Variants in ARHGAP1 observed in about 807,000 individuals in gnomAD.
ARHGAP1 encodes Rho GTPase activating protein 1, also known as rho GTPase-activating protein 1.
In ARHGAP1, 23 loss-of-function variants were observed where a neutral mutation model predicts 52.2. That is an observed-to-expected ratio of 0.44 (90% CI 0.32 to 0.62). The LOEUF (loss-of-function observed/expected upper bound fraction) is 0.62. Ranked by LOEUF, ARHGAP1 falls within the 20% of genes least tolerant of loss-of-function variation. ARHGAP1 has a pLI of 0.05. For missense variants in ARHGAP1, 480 were observed against 560.9 expected, an observed-to-expected ratio of 0.86 and a Z score of 1.46; for synonymous variants, 210 against 228.4, an observed-to-expected ratio of 0.92 and a Z score of 0.73.
rs764470303 is a variant in ARHGAP1, at chr11:46,695,688, G to A, written c.201C>T (p.Ile67=). The A allele has an allele frequency of 5.2e-6, 8 of 1,551,822 alleles. No individual in the cohort carries two copies. Among genetic ancestry groups the A allele is most frequent in the African/African-American group, 1.4e-5 (1 of 73,054 alleles). Reference sequence around the variant, plus strand: ...CCACCTCCACGATCTGGTGCCGGGCGATGTCATAGTATGGGTCATCCCACT... The same window carrying A: ...CCACCTCCACGATCTGGTGCCGGGCAATGTCATAGTATGGGTCATCCCACT... ...HLKWDDPYYD[I]ARHQIVEVAG... The change falls in exon 3 of 13, where the codon ATC becomes ATT. Residue 67 remains isoleucine (I), a synonymous_variant. Transcript: ENST00000311956.
At chr11:46,694,794 T>C (rs1479833140) in intron 3 of ARHGAP1, among the ~76,000 whole-genome samples, 1 of 152,160 alleles carries the variant, frequency 6.6e-6, no homozygotes, top group Non-Finnish European at 1.5e-5. Flanking sequence ...GGAAACACCT[T>C]TGACGTTCGG....
At chr11:46,688,543 G>A (rs1465669739) in intron 3 of ARHGAP1, among the ~76,000 whole-genome samples, 3 of 151,982 alleles carry the variant, frequency 2.0e-5, no homozygotes, top group Admixed American at 6.6e-5. Flanking sequence ...ATGTAGTGGC[G>A]CAATCACGGC....
intron 4 of ARHGAP1, chr11:46,687,772 A>G (rs2134486555): frequency 5.9e-6 from 1 of 169,852 alleles, no homozygotes; most frequent in East Asian, 1.7e-4. Flanking sequence ...ATAAGACAAC[A>G]CTAATGAGTC....
Position 46,696,211 on chromosome 11 carries a change from C to T in ARHGAP1, c.-49-55G>A, listed in dbSNP as rs1176571957. ...AGTGACCTGCTCTTTTCACCTTCTG[C>T]GACCTCCACCGCGTGCCCTCCTGCC... On this transcript the variant is annotated intron_variant, in intron 1 of 12. Transcript: ENST00000311956. The surrounding 1 kb of genome is among the most constrained non-coding windows in gnomAD (Gnocchi z 4.8). 1.1e-5 allele frequency: 14 copies of T among 1,281,116 alleles called. No homozygotes were observed. Among genetic ancestry groups the T allele is most frequent in the East Asian group, 7.6e-5 (3 of 39,288 alleles). 79.4% of individuals were successfully genotyped at this position (1,281,116 alleles called of 1,614,324 possible). A position where few individuals can be genotyped will look rare whatever the true frequency, so the allele number is the denominator to read the frequency against.
chr11:46,700,440 CT>C (rs963588807), intron 1 of ARHGAP1, 110 bp downstream of exon 1: 2 of 156,438 alleles, frequency 1.3e-5, no homozygotes, highest in African/African-American at 4.8e-5. Flanking sequence ...CGTTCCCCTC[CT>C]CGGATCTGCT....
chr11:46,685,020 G>A (rs543080030), intron 4 of ARHGAP1, among the ~76,000 whole-genome samples: 163 of 150,974 alleles, frequency 1.1e-3, no homozygotes, highest in Middle Eastern at 0.01. Flanking sequence ...CTCAGGAGGT[G>A]GAGGTTGCAG....
intron 4 of ARHGAP1, chr11:46,687,307 C>T (rs1302926528): frequency 6.6e-6 from 1 of 152,298 alleles, no homozygotes; most frequent in Non-Finnish European, 1.5e-5. Context: ...CAGCCTGTGG[C>T]CCTGGCTTGC....
intron 4 of ARHGAP1, 81 bp downstream of exon 4, chr11:46,688,092 G>A: frequency 7.1e-7 from 1 of 1,400,604 alleles, no homozygotes; most frequent in Non-Finnish European, 9.9e-7. Flanking sequence ...CCACAGGCAG[G>A]GAGGGACAGT....
chr11:46,678,918 A>G lies in ARHGAP1; in HGVS notation c.*119T>C. The G allele has an allele frequency of 3.5e-6, 4 of 1,148,840 alleles. No individual in the cohort carries two copies. Among genetic ancestry groups the G allele is most frequent in the Non-Finnish European group, 4.9e-6 (4 of 817,908 alleles). 71.2% of individuals were successfully genotyped at this position (1,148,840 alleles called of 1,614,324 possible). ...GGCGGGCTGGACAGAGGTGGGGGAG[A>G]GCATGCCTGATGGGTGGCTCCAACA... On this transcript the variant is annotated 3_prime_UTR_variant, in exon 13 of 13. Transcript: ENST00000311956.
At position 46,681,198 on chromosome 11, in the gene ARHGAP1, G is replaced by A; in HGVS notation, c.537-89C>T. The stretch of plus-strand genomic sequence containing the variant: ...CAACACCCACCCAGTTCAGACGGAA[G>A]CCCAGCCGCACCTGGTGGTCCCCAG... On this transcript the variant is annotated intron_variant, in intron 6 of 12. Transcript: ENST00000311956. The surrounding 1 kb of genome is among the most constrained non-coding windows in gnomAD (Gnocchi z 5.7). 1 of 1,537,980 alleles carries A rather than the reference G, an allele frequency of 6.5e-7. No homozygotes were observed. The highest frequency in any genetic ancestry group is 9.0e-7 in the Non-Finnish European group (1 of 1,111,304).
Position 46,679,294 on chromosome 11 carries a change from C to T in ARHGAP1, c.1132-69G>A. ...GCCTCCCACTCCCAGCAACAATGAC[C>T]AGGGCGCAGAGGAGGCGGCAGCTCC... On this transcript the variant is annotated intron_variant, in intron 12 of 12. Transcript: ENST00000311956. This position sits in a 1 kb window ranked among gnomAD's most constrained non-coding sequence, Gnocchi z 4.4. 3 of 1,600,464 alleles carry T rather than the reference C, an allele frequency of 1.9e-6. No homozygotes were observed. Among genetic ancestry groups the T allele is most frequent in the South Asian group, 2.2e-5 (2 of 89,966 alleles).
chr11:46,680,689 G>C lies in ARHGAP1; in HGVS notation c.694C>G (p.Pro232Ala). The change falls in exon 8 of 13, where the codon CCC (proline) becomes GCC (alanine). Residue 232 changes from proline (P) to alanine (A), a missense_variant. By Grantham distance (27) the Pro-to-Ala change is conservative. Coordinates refer to ENST00000311956, the MANE Select transcript of ARHGAP1 (RefSeq NM_004308.5). The surrounding 1 kb of genome is among the most constrained non-coding windows in gnomAD (Gnocchi z 5.9). Reference protein sequence around the residue: ...KSPATAPKPMPPRPPLPNQQF... With the variant: ...KSPATAPKPMAPRPPLPNQQF... ...TGGTTGGGCAGGGGGGGCCGTGGGG[G>C]CATGGGCTTGGGGGCTGTCGCGGGG... 1 of 1,601,424 alleles carries C rather than the reference G, an allele frequency of 6.2e-7. No homozygotes were observed. The highest frequency in any genetic ancestry group is 1.1e-5 in the South Asian group (1 of 89,252).
chr11:46,677,316 G>C lies in ARHGAP1; in HGVS notation c.*1721C>G, dbSNP rs539776370. On this transcript the variant is annotated 3_prime_UTR_variant, in exon 13 of 13. Coordinates refer to ENST00000311956, the MANE Select transcript of ARHGAP1 (RefSeq NM_004308.5). ...ACAAAGGAGGGCGGAGAGCAGAGCAGCCCTGGCCGAGGCTAGAGACCAAGG... is the reference window on the plus strand; with the variant it reads ...ACAAAGGAGGGCGGAGAGCAGAGCACCCCTGGCCGAGGCTAGAGACCAAGG... 4 of 152,648 alleles carry C rather than the reference G, an allele frequency of 2.6e-5. No individual in the cohort carries two copies. Among genetic ancestry groups the C allele is most frequent in the African/African-American group, 9.6e-5 (4 of 41,582 alleles). The allele number at this position is 152,648 out of a possible 1,614,324, so 9.5% of individuals were successfully genotyped here.
intron 4 of ARHGAP1, chr11:46,687,873 A>G (rs1592388302): frequency 5.9e-6 from 2 of 340,938 alleles, no homozygotes; most frequent in East Asian, 1.1e-4. Flanking sequence ...CTTCCTTTTC[A>G]TGTGCTGTTT....
Position 46,681,004 on chromosome 11 carries a change from G to T in ARHGAP1, c.635+7C>A. On this transcript the variant is annotated splice_region_variant and intron_variant, in intron 7 of 12. Coordinates refer to ENST00000311956, the MANE Select transcript of ARHGAP1 (RefSeq NM_004308.5). This position sits in a 1 kb window ranked among gnomAD's most constrained non-coding sequence, Gnocchi z 5.7. ...TCACGAGCCCCCAGCCGCCGCACCC[G>T]CCTCACTTGAGCACTTGGCGAGGGA... 6.2e-7 allele frequency: 1 copy of T among 1,613,176 alleles called. No individual in the cohort carries two copies. Among genetic ancestry groups the T allele is most frequent in the Non-Finnish European group, 8.5e-7 (1 of 1,179,530 alleles).
In ARHGAP1 at chr11:46,678,964, T is replaced by C. The variant is rs2064501546; in HGVS notation, c.*73A>G. On this transcript the variant is annotated 3_prime_UTR_variant, in exon 13 of 13. Transcript: ENST00000311956. ...CAACATCTCTCTCCAGGGGGCTTCA[T>C]GGCCCCTGATGCCAGGAGGAAGAGT... 13 of 1,508,270 alleles carry C rather than the reference T, an allele frequency of 8.6e-6. No individual in the cohort carries two copies. The highest frequency in any genetic ancestry group is 1.2e-5 in the South Asian group (1 of 83,214). 93.4% of individuals were successfully genotyped at this position (1,508,270 alleles called of 1,614,324 possible).
Position 46,680,704 on chromosome 11 carries a change from C to T in ARHGAP1, c.679G>A (p.Ala227Thr), listed in dbSNP as rs1412989329. 1 of 1,584,194 alleles carries T rather than the reference C, an allele frequency of 6.3e-7. No homozygotes were observed. Among genetic ancestry groups the T allele is most frequent in the Non-Finnish European group, 8.6e-7 (1 of 1,164,860 alleles). The change falls in exon 8 of 13, where the codon GCC (alanine) becomes ACC (threonine). Residue 227 changes from alanine to threonine, a missense_variant. Transcript: ENST00000311956. This position sits in a 1 kb window ranked among gnomAD's most constrained non-coding sequence, Gnocchi z 5.9. ...LKSTQKSPAT[A>T]PKPMPPRPPL... Reference sequence around the variant, plus strand: ...GGCCGTGGGGGCATGGGCTTGGGGGCTGTCGCGGGGCTCTTCTGTGTGGAT... The same window carrying T: ...GGCCGTGGGGGCATGGGCTTGGGGGTTGTCGCGGGGCTCTTCTGTGTGGAT...
chr11:46,679,058 G>A lies in ARHGAP1; in HGVS notation c.1299C>T (p.Ser433=). The A allele has an allele frequency of 6.2e-7, 1 of 1,614,200 alleles. No individual in the cohort carries two copies. Among genetic ancestry groups the A allele is most frequent in the Non-Finnish European group, 8.5e-7 (1 of 1,180,026 alleles). Residue 433 remains serine (S), a synonymous_variant, in exon 13 of 13, where the codon AGC becomes AGT. Coordinates refer to ENST00000311956, the MANE Select transcript of ARHGAP1 (RefSeq NM_004308.5). The surrounding 1 kb of genome is among the most constrained non-coding windows in gnomAD (Gnocchi z 4.4). The stretch of plus-strand genomic sequence containing the variant: ...AGGTTCAGAGCCCGCTGGGGTCCGG[G>A]CTTGGGAACAGCTCCCCTTGGTGAT... ...LLDHQGELFP[S]PDPSGL is the part of the protein sequence containing the mutation.
rs1202751761 is a variant in ARHGAP1, at chr11:46,679,658, C to T, written c.1017G>A (p.Val339=). 3 of 1,613,966 alleles carry T rather than the reference C, an allele frequency of 1.9e-6. No individual in the cohort carries two copies. Among genetic ancestry groups the T allele is most frequent in the African/African-American group, 1.3e-5 (1 of 74,950 alleles). ...GAGATGGGGACTCACTGAGGAAGCC[C>T]ACCACATGGGGGTAGAGGTCAAAGG... The part of the protein sequence containing the change: ...LLTFDLYPHV[V]GFLNIDESQR... Residue 339 remains valine (V), a synonymous_variant, in exon 11 of 13, where the codon GTG becomes GTA. Transcript: ENST00000311956. The surrounding 1 kb of genome is among the most constrained non-coding windows in gnomAD (Gnocchi z 4.4).
Sources: allele counts gnomAD v4.1 joint callset (sites outside exome capture counted in the v4.1 genomes callset), GRCh38; gene constraint gnomAD v4.1.1; non-coding constraint Gnocchi (gnomAD v3.1); transcripts MANE v1.5; gene names NCBI Gene and HGNC (gene_info 2026-07-23, HGNC 2026-07-21).